Variants in EFR3B observed in about 807,000 individuals in gnomAD.
The protein encoded by EFR3B is protein EFR3 homolog B.
A neutral mutation model predicts 104.7 loss-of-function variants in EFR3B; 64 were observed. The observed-to-expected ratio is 0.61, with a 90% CI of 0.50 to 0.75. The LOEUF is 0.75. EFR3B is among the 30% of genes least tolerant of loss of function. The pLI, the probability that EFR3B is intolerant of heterozygous loss-of-function variation, is 0.00. For synonymous variants in EFR3B, 385 were observed against 417.9 expected (o/e 0.92, Z 0.96); for missense variants, 750 against 1,078.5 (o/e 0.70, Z 4.27).
chr2:25,128,045 T>G, intron 5 of EFR3B, 138 bp from the exon 6 acceptor site: 1 of 928,712 alleles, frequency 1.1e-6, no homozygotes, highest in African/African-American at 1.7e-5. Context: ...CTCATGAGAG[T>G]AGCAGCTGGT....
intron 3 of EFR3B, among the ~76,000 whole-genome samples, chr2:25,094,483 A>C (rs1401865333): frequency 6.6e-6 from 1 of 152,180 alleles, no homozygotes; most frequent in Non-Finnish European, 1.5e-5. Context: ...GAGAGGAGAG[A>C]GAGCTTGCCA....
chr2:25,091,479 G>A, intron 2 of EFR3B, 78 bp downstream of exon 2: 1 of 1,340,146 alleles, frequency 7.5e-7, no homozygotes, highest in Non-Finnish European at 1.0e-6. Flanking sequence ...TGGAAGCCAG[G>A]CCTCCTGCCG....
chr2:25,084,784 A>G (rs752990461), intron 1 of EFR3B, among the ~76,000 whole-genome samples: 2 of 152,216 alleles, frequency 1.3e-5, no homozygotes, highest in Non-Finnish European at 2.9e-5. Flanking sequence ...GGCCATAGGT[A>G]GATAAAAGAG....
chr2:25,105,881 G>T (rs942649934), intron 4 of EFR3B, among the ~76,000 whole-genome samples: 7 of 152,202 alleles, frequency 4.6e-5, no homozygotes, highest in East Asian at 3.8e-4. Context: ...ATTCCCCATC[G>T]CAGTGAATCA....
chr2:25,128,775 G>A (rs552880264), intron 6 of EFR3B, among the ~76,000 whole-genome samples: 121 of 151,442 alleles, frequency 8.0e-4, no homozygotes, highest in African/African-American at 2.8e-3. Flanking sequence ...TGGCTAACAC[G>A]ATGAAACCGC....
At chr2:25,100,502 CT>C (rs111851094) in intron 3 of EFR3B, among the ~76,000 whole-genome samples, 1 of 151,878 alleles carries the variant, frequency 6.6e-6, no homozygotes, top group East Asian at 1.9e-4. Flanking sequence ...CCTGTATTTT[CT>C]TTTTTTTGAG....
At chr2:25,152,105 A>G (rs1671026881) in intron 21 of EFR3B, 85 bp downstream of exon 21, 2 of 1,379,150 alleles carry the variant, frequency 1.5e-6, no homozygotes, top group East Asian at 2.5e-5. Context: ...TTCCTAGGAG[A>G]TCTTGGCTCT....
chr2:25,073,236 C>G (rs1668543986), intron 1 of EFR3B, among the ~76,000 whole-genome samples: 1 of 152,174 alleles, frequency 6.6e-6, no homozygotes, highest in African/African-American at 2.4e-5. Context: ...AAGAAACCCA[C>G]AGAGGGCGTG....
chr2:25,104,260 T>C (rs1669504683), intron 4 of EFR3B, among the ~76,000 whole-genome samples: 1 of 152,056 alleles, frequency 6.6e-6, no homozygotes, highest in Non-Finnish European at 1.5e-5. Context: ...TCCCAGCTAC[T>C]TGGGAGGCTG....
chr2:25,125,820 C>A (rs538888961), intron 5 of EFR3B, among the ~76,000 whole-genome samples: 1 of 152,108 alleles, frequency 6.6e-6, no homozygotes, highest in African/African-American at 2.4e-5. Context: ...TGGTGGCGGG[C>A]GCCTGTAGTC....
Position 25,158,791 on chromosome 2 carries a change from C to T in EFR3B, c.*4451C>T, listed in dbSNP as rs1176768833. 1 of 152,234 alleles carries T rather than the reference C, an allele frequency of 6.6e-6. No homozygotes were observed. The highest frequency in any genetic ancestry group is 1.5e-5 in the Non-Finnish European group (1 of 68,092). The allele number at this position is 152,234 out of a possible 1,614,324, so 9.4% of individuals were successfully genotyped here. On this transcript the variant is annotated 3_prime_UTR_variant, in exon 23 of 23. Transcript: ENST00000403714. ...GGCGCGTGGAGGCAGAGTTGTGAAT[C>T]CACAAATGCTGTAGCCCATATCTCG...
At chr2:25,058,775 CAAA>C (rs748745340) in intron 1 of EFR3B, among the ~76,000 whole-genome samples, 4 of 104,190 alleles carry the variant, frequency 3.8e-5, no homozygotes, top group African/African-American at 1.1e-4. Context: ...CCCCCCCCCC[CAAA>C]AAAAAAAACA....
intron 1 of EFR3B, among the ~76,000 whole-genome samples, chr2:25,043,483 CT>C (rs1667630301): frequency 6.6e-6 from 1 of 152,192 alleles, no homozygotes; most frequent in African/African-American, 2.4e-5. Flanking sequence ...GTGGGCCCCC[CT>C]ACTGAGAGAG....
intron 3 of EFR3B, among the ~76,000 whole-genome samples, chr2:25,093,719 A>G (rs560427678): frequency 6.6e-6 from 1 of 151,942 alleles, no homozygotes; most frequent in Non-Finnish European, 1.5e-5. Flanking sequence ...CTGGGGCCTT[A>G]AAAAAAATTA....
intron 1 of EFR3B, among the ~76,000 whole-genome samples, chr2:25,083,757 T>A (rs749944732): frequency 6.6e-6 from 1 of 152,202 alleles, no homozygotes; most frequent in Non-Finnish European, 1.5e-5. Flanking sequence ...TAGAATTTCA[T>A]CCTAAGCCCA....
intron 1 of EFR3B, among the ~76,000 whole-genome samples, chr2:25,045,519 C>T (rs1042088559): frequency 3.3e-5 from 5 of 152,092 alleles, no homozygotes; most frequent in South Asian, 2.1e-4. Flanking sequence ...TGGTGGCTCA[C>T]GCCTGTTATC....
chr2:25,137,295 G>C lies in EFR3B; in HGVS notation c.1561-46G>C. On this transcript the variant is annotated intron_variant, in intron 14 of 22. Coordinates refer to ENST00000403714, the MANE Select transcript of EFR3B (RefSeq NM_014971.2). This position sits in a 1 kb window ranked among gnomAD's most constrained non-coding sequence, Gnocchi z 4.7. The stretch of plus-strand genomic sequence containing the variant: ...CCTCCGTGTTCTCCTTGCCCCTCCT[G>C]TCCCCATCCCTCCGACCCTGGCCTT... 1 of 1,547,818 alleles carries C rather than the reference G, an allele frequency of 6.5e-7. No individual in the cohort carries two copies. Among genetic ancestry groups the C allele is most frequent in the South Asian group, 1.2e-5 (1 of 83,342 alleles).
At chr2:25,103,875 A>G (rs933760484) in intron 4 of EFR3B, 88 bp downstream of exon 4, 1 of 1,486,650 alleles carries the variant, frequency 6.7e-7, no homozygotes, top group African/African-American at 1.4e-5. Context: ...CGGCACTGTC[A>G]TGTTCTGTTC....
At chr2:25,053,726 A>G (rs1220856545) in intron 1 of EFR3B, among the ~76,000 whole-genome samples, 1 of 152,102 alleles carries the variant, frequency 6.6e-6, no homozygotes, top group East Asian at 1.9e-4. Flanking sequence ...AACATGGTGA[A>G]TGAAACCCCA....
Sources: gnomAD v4.1 joint callset for allele counts (sites outside exome capture counted in the v4.1 genomes callset) on GRCh38, gnomAD v4.1.1 for gene constraint, Gnocchi (gnomAD v3.1) non-coding constraint, MANE v1.5 for transcripts, NCBI Gene and HGNC (gene_info 2026-07-23, HGNC 2026-07-21) for gene names.